Variants in MTMR12 observed in about 807,000 individuals in gnomAD.
The protein encoded by MTMR12 is myotubularin-related protein 12.
In MTMR12, 33 loss-of-function variants were observed where a neutral mutation model predicts 96.7. The ratio of observed to expected loss-of-function variants is 0.34; its 90% CI spans 0.26 to 0.46. The LOEUF (loss-of-function observed/expected upper bound fraction) is 0.46. MTMR12 is among the 20% of genes least tolerant of loss of function. The pLI, the probability that MTMR12 is intolerant of heterozygous loss-of-function variation, is 1.00. For synonymous variants in MTMR12, 298 were observed against 327.2 expected (o/e 0.91, Z 0.96); for missense variants, 721 against 896.1 (o/e 0.80, Z 2.49).
At chr5:32,275,215 G>C (rs932592581) in intron 2 of MTMR12, among the ~76,000 whole-genome samples, 1 of 152,056 alleles carries the variant, frequency 6.6e-6, no homozygotes, top group Non-Finnish European at 1.5e-5. Context: ...ATTACCTCTG[G>C]CTGAAACACT....
chr5:32,243,571 A>G lies in MTMR12; in HGVS notation c.1050T>C (p.Asp350=), dbSNP rs762153243. The change falls in exon 11 of 16, where the codon GAT becomes GAC. Residue 350 remains aspartate, a synonymous_variant. Transcript: ENST00000382142. ...IDNSTEFWDT[D]IKWFSLLESS... ...TTTCCAACAGAGAAAACCATTTTAT[A>G]TCTGTGTCCCAAAATTCAGTACTGT... The G allele has an allele frequency of 2.0e-5, 32 of 1,611,750 alleles. No individual in the cohort carries two copies. Among genetic ancestry groups the G allele is most frequent in the Admixed American group, 5.0e-5 (3 of 59,956 alleles).
intron 1 of MTMR12, among the ~76,000 whole-genome samples, chr5:32,311,648 A>C (rs1191446811): frequency 1.3e-5 from 2 of 152,216 alleles, no homozygotes; most frequent in Non-Finnish European, 2.9e-5. Context: ...TGGATTAAGA[A>C]CTATTGCTCA....
chr5:32,285,263 CAGG>C (rs1750486482), intron 1 of MTMR12, among the ~76,000 whole-genome samples: 2 of 151,158 alleles, frequency 1.3e-5, no homozygotes, highest in African/African-American at 4.9e-5. Context: ...GAGGCTGAGG[CAGG>C]AGAATTCCTT....
At chr5:32,273,699 G>A (rs1749932818) in intron 3 of MTMR12, among the ~76,000 whole-genome samples, 1 of 152,116 alleles carries the variant, frequency 6.6e-6, no homozygotes, top group African/African-American at 2.4e-5. Context: ...GTGATGAGAA[G>A]GACTCCGTCC....
chr5:32,276,809 G>A, intron 1 of MTMR12, 67 bp from the exon 2 acceptor site: 1 of 1,282,928 alleles, frequency 7.8e-7, no homozygotes, highest in South Asian at 1.2e-5. Flanking sequence ...ATTAAGCCAT[G>A]CTTTCAGAAT....
At chr5:32,275,881 G>A (rs1750031976) in intron 2 of MTMR12, among the ~76,000 whole-genome samples, 1 of 152,044 alleles carries the variant, frequency 6.6e-6, no homozygotes, top group Admixed American at 6.6e-5. Flanking sequence ...CAAATAACGT[G>A]GATCAGTCAG....
chr5:32,302,348 A>G (rs897647326), intron 1 of MTMR12, among the ~76,000 whole-genome samples: 24 of 152,204 alleles, frequency 1.6e-4, no homozygotes, highest in African/African-American at 5.3e-4. Context: ...GATTTGATTT[A>G]CTCATATCTT....
chr5:32,274,127 T>G lies in MTMR12; in HGVS notation c.143-5A>C, dbSNP rs576675560. ...CTTCACAAAGCAGCTGTTCACCTGGTAGAAACCAAAACAGGTCCTCCTTAG... is the reference window on the plus strand; with the variant it reads ...CTTCACAAAGCAGCTGTTCACCTGGGAGAAACCAAAACAGGTCCTCCTTAG... On this transcript the variant is annotated splice_region_variant and splice_polypyrimidine_tract_variant and intron_variant, in intron 2 of 15. Transcript: ENST00000382142. 6.2e-7 allele frequency: 1 copy of G among 1,613,892 alleles called. No individual in the cohort carries two copies. The highest frequency in any genetic ancestry group is 1.3e-5 in the African/African-American group (1 of 75,046).
intron 2 of MTMR12, among the ~76,000 whole-genome samples, chr5:32,275,399 CAATACTTTTAATGGTGA>C (rs1373679577): frequency 6.6e-6 from 1 of 152,166 alleles, no homozygotes; most frequent in Admixed American, 6.5e-5. Flanking sequence ...TTTCACCTCC[CAATACTTTTAATGGTGA>C]AATACTTTTA....
At chr5:32,266,480 G>A (rs947959345) in intron 6 of MTMR12, among the ~76,000 whole-genome samples, 1 of 151,970 alleles carries the variant, frequency 6.6e-6, no homozygotes, top group Non-Finnish European at 1.5e-5. Context: ...TTCAGGTCAG[G>A]AGTTCGAAAT....
intron 1 of MTMR12, among the ~76,000 whole-genome samples, chr5:32,285,266 G>A (rs918488417): frequency 6.6e-6 from 1 of 151,816 alleles, no homozygotes; most frequent in Non-Finnish European, 1.5e-5. Context: ...GCTGAGGCAG[G>A]AGAATTCCTT....
At chr5:32,264,333 C>T (rs1469120491) in intron 6 of MTMR12, among the ~76,000 whole-genome samples, 1 of 152,096 alleles carries the variant, frequency 6.6e-6, no homozygotes, top group African/African-American at 2.4e-5. Context: ...CTGGGAAAAA[C>T]GAAGGGTTTA....
At chr5:32,283,104 A>G (rs561361995) in intron 1 of MTMR12, among the ~76,000 whole-genome samples, 10 of 152,264 alleles carry the variant, frequency 6.6e-5, no homozygotes, top group Non-Finnish European at 1.0e-4. Flanking sequence ...ACTCCTAACC[A>G]TGCTGTATTC....
At chr5:32,288,399 G>A (rs1479445447) in intron 1 of MTMR12, among the ~76,000 whole-genome samples, 2 of 152,166 alleles carry the variant, frequency 1.3e-5, no homozygotes, top group Non-Finnish European at 1.5e-5. Context: ...CCCTGAGGCA[G>A]CTGCCAGGCA....
intron 1 of MTMR12, among the ~76,000 whole-genome samples, chr5:32,303,681 C>G (rs1452402582): frequency 6.6e-6 from 1 of 152,032 alleles, no homozygotes; most frequent in Non-Finnish European, 1.5e-5. Context: ...AAAACTCCAT[C>G]TACCAGGGAT....
At chr5:32,292,755 T>C (rs1750780069) in intron 1 of MTMR12, among the ~76,000 whole-genome samples, 1 of 121,728 alleles carries the variant, frequency 8.2e-6, no homozygotes. Context: ...GTCACTCCAC[T>C]AGGGAAAAAA....
In MTMR12 at chr5:32,270,921, AG is replaced by A; in HGVS notation, c.384del (p.Phe129LeufsTer4). 1 of 1,613,784 alleles carries A rather than the reference AG, an allele frequency of 6.2e-7. No individual in the cohort carries two copies. The highest frequency in any genetic ancestry group is 1.1e-5 in the South Asian group (1 of 90,964). ...TCAGGGTATTTCTTCAGTTGTCCAA[AG>A]AGAGTTTTCTTTTTCTCATCAAACA... ...YGVFDEKKKTLFGQLKKYPEK... is the reference protein window; with the variant it reads ...YGVFDEKKKTXFGQLKKYPEK... On this transcript the variant is annotated frameshift_variant, in exon 5 of 16. Transcript: ENST00000382142. LOFTEE classifies it high-confidence loss of function.
rs977356194 is a variant in MTMR12, at chr5:32,227,770, A to G, written c.*2008T>C. 1 of 152,658 alleles carries G rather than the reference A, an allele frequency of 6.6e-6. No homozygotes were observed. The highest frequency in any genetic ancestry group is 2.1e-4 in the South Asian group (1 of 4,830). 9.5% of individuals were successfully genotyped at this position (152,658 alleles called of 1,614,324 possible). On this transcript the variant is annotated 3_prime_UTR_variant, in exon 16 of 16. Transcript: ENST00000382142. The stretch of plus-strand genomic sequence containing the variant: ...AAGGAACTAGTTAGTGTATTTTAAA[A>G]TCCCTATTGCAAGCCTAACACTGAC...
At chr5:32,248,670 G>T (rs1748791638) in intron 9 of MTMR12, 102 bp downstream of exon 9, 3 of 835,350 alleles carry the variant, frequency 3.6e-6, no homozygotes, top group East Asian at 2.5e-5. Flanking sequence ...CTAGCATTAA[G>T]CTACCAGTAG....
Sources: allele counts gnomAD v4.1 joint callset (sites outside exome capture counted in the v4.1 genomes callset), GRCh38; gene constraint gnomAD v4.1.1; transcripts MANE v1.5; gene names NCBI Gene and HGNC (gene_info 2026-07-23, HGNC 2026-07-21).